The following CRISPLD2 variants were observed in gnomAD, a reference collection of about 807,000 sequenced individuals.
CRISPLD2 encodes cysteine rich secretory protein LCCL domain containing 2.
In CRISPLD2, 47 loss-of-function variants were observed where a neutral mutation model predicts 71.1. The ratio of observed to expected loss-of-function variants is 0.66; its 90% CI spans 0.52 to 0.84. The LOEUF is 0.84. Ranked by LOEUF, CRISPLD2 falls within the 40% of genes least tolerant of loss-of-function variation. The pLI, the probability that CRISPLD2 is intolerant of heterozygous loss-of-function variation, is 0.00. For synonymous variants in CRISPLD2, 317 were observed against 250.1 expected (o/e 1.27, Z -2.52); for missense variants, 830 against 651.1 (o/e 1.27, Z -2.99).
intron 1 of CRISPLD2, among the ~76,000 whole-genome samples, chr16:84,836,794 T>C (rs925133514): frequency 1.3e-5 from 2 of 151,070 alleles, no homozygotes; most frequent in Admixed American, 6.6e-5. Flanking sequence ...GGTAAACACC[T>C]GGTTGGTGCT....
chr16:84,849,721 C>CTT (rs10627256), intron 4 of CRISPLD2, among the ~76,000 whole-genome samples: 90,092 of 150,960 alleles, frequency 0.6, 27,354 homozygotes, highest in East Asian at 0.72. Context: ...ACTACAAACT[C>CTT]TTTTTTTTCT....
At chr16:84,863,997 A>AAAAG (rs1555562675) in intron 6 of CRISPLD2, among the ~76,000 whole-genome samples, 7 of 145,924 alleles carry the variant, frequency 4.8e-5, no homozygotes, top group South Asian at 2.2e-4. Context: ...AGAGAGAAAA[A>AAAAG]AAAAGAAAAG....
intron 6 of CRISPLD2, among the ~76,000 whole-genome samples, chr16:84,861,044 G>C (rs1917365283): frequency 6.6e-6 from 1 of 152,128 alleles, no homozygotes; most frequent in Non-Finnish European, 1.5e-5. Flanking sequence ...ATTCAGTCTA[G>C]AGTCACTGAA....
At position 84,906,801 on chromosome 16, in the gene CRISPLD2, C is replaced by A; in HGVS notation, c.*159C>A. The A allele has an allele frequency of 2.4e-6, 2 of 822,032 alleles. No individual in the cohort carries two copies. Among genetic ancestry groups the A allele is most frequent in the Non-Finnish European group, 4.1e-6 (2 of 489,112 alleles). The allele number at this position is 822,032 out of a possible 1,614,324, so 50.9% of individuals were successfully genotyped here. A position where few individuals can be genotyped will look rare whatever the true frequency, so the allele number is the denominator to read the frequency against. On this transcript the variant is annotated 3_prime_UTR_variant, in exon 15 of 15. Transcript: ENST00000262424. ...GTGGCCTGTGGGTGAGGTGACATCT[C>A]ATCCCCTCACTGAAGCAACAGCATC...
chr16:84,849,576 C>T, intron 4 of CRISPLD2, 59 bp downstream of exon 4: 1 of 1,530,770 alleles, frequency 6.5e-7, no homozygotes, highest in Non-Finnish European at 8.9e-7. Flanking sequence ...CATTCACCCC[C>T]TGCCCCTGGG....
At chr16:84,846,875 C>A (rs535396655) in intron 3 of CRISPLD2, among the ~76,000 whole-genome samples, 2 of 152,226 alleles carry the variant, frequency 1.3e-5, no homozygotes, top group Non-Finnish European at 2.9e-5. Context: ...AGCCGACGGG[C>A]CTTCCCCAGA....
chr16:84,827,009 A>C (rs771667719), intron 1 of CRISPLD2, among the ~76,000 whole-genome samples: 4 of 152,016 alleles, frequency 2.6e-5, no homozygotes, highest in Non-Finnish European at 5.9e-5. Context: ...GTTGATGCTT[A>C]ACATACCAGG....
chr16:84,853,527 T>G (rs1214724336), intron 5 of CRISPLD2, among the ~76,000 whole-genome samples: 1 of 152,078 alleles, frequency 6.6e-6, no homozygotes, highest in Admixed American at 6.5e-5. Flanking sequence ...CCACTGTCCC[T>G]CCCCTGCCCA....
chr16:84,853,331 TG>T (rs1917141254), intron 5 of CRISPLD2, among the ~76,000 whole-genome samples: 1 of 152,192 alleles, frequency 6.6e-6, no homozygotes, highest in Non-Finnish European at 1.5e-5. Flanking sequence ...ATGTTCTTTT[TG>T]GGGGAGTCAT....
At chr16:84,875,942 C>T (rs758197160) in intron 11 of CRISPLD2, among the ~76,000 whole-genome samples, 1 of 152,110 alleles carries the variant, frequency 6.6e-6, no homozygotes, top group African/African-American at 2.4e-5. Context: ...CCTTGATGTA[C>T]TAAACCAGTC....
chr16:84,885,781 T>A (rs1033137240), intron 13 of CRISPLD2, among the ~76,000 whole-genome samples: 1 of 152,076 alleles, frequency 6.6e-6, no homozygotes, highest in South Asian at 2.1e-4. Context: ...AATAGGCTTA[T>A]GATTGTTAAT....
chr16:84,855,681 G>C (rs1567689414), intron 6 of CRISPLD2, among the ~76,000 whole-genome samples: 1 of 152,130 alleles, frequency 6.6e-6, no homozygotes, highest in Non-Finnish European at 1.5e-5. Context: ...TTGACACTCA[G>C]TATTAACTAT....
intron 14 of CRISPLD2, 75 bp from the exon 15 acceptor site, chr16:84,906,513 C>T: frequency 6.6e-7 from 1 of 1,525,428 alleles, no homozygotes; most frequent in African/African-American, 1.4e-5. Context: ...ACCCAGGTCT[C>T]CCTGCCCACC....
At chr16:84,844,485 C>CTT (rs138028171) in intron 2 of CRISPLD2, among the ~76,000 whole-genome samples, 2 of 149,240 alleles carry the variant, frequency 1.3e-5, no homozygotes, top group Non-Finnish European at 1.5e-5. Context: ...TCTTTTCTTT[C>CTT]TTTTTTTTTT....
chr16:84,849,624 C>T, intron 4 of CRISPLD2, 107 bp downstream of exon 4: 1 of 1,244,634 alleles, frequency 8.0e-7, no homozygotes, highest in Non-Finnish European at 1.1e-6. Flanking sequence ...GCTGTTGTTG[C>T]CTTCATTTTT....
chr16:84,836,999 C>T (rs1032635361), intron 1 of CRISPLD2, among the ~76,000 whole-genome samples: 6 of 152,188 alleles, frequency 3.9e-5, no homozygotes, highest in East Asian at 1.9e-4. Context: ...TCCATCTCCC[C>T]GACCTAACTG....
In CRISPLD2 at chr16:84,845,858, A is replaced by T; in HGVS notation, c.313A>T (p.Ser105Cys). The change falls in exon 3 of 15, where the codon AGT becomes TGT. Residue 105 changes from serine to cysteine, a missense_variant. By Grantham distance (112) the Ser-to-Cys change is moderately radical. Transcript: ENST00000262424. ...SQCIWEHGPT[S>C]LLVSIGQNLG... Reference sequence around the variant, plus strand: ...GTGCATCTGGGAGCACGGGCCCACCAGTCTGCTGGTGTCCATCGGGCAGAA... The same window carrying T: ...GTGCATCTGGGAGCACGGGCCCACCTGTCTGCTGGTGTCCATCGGGCAGAA... The T allele has an allele frequency of 6.2e-7, 1 of 1,613,634 alleles. No homozygotes were observed. The highest frequency in any genetic ancestry group is 8.5e-7 in the Non-Finnish European group (1 of 1,179,722).
intron 12 of CRISPLD2, among the ~76,000 whole-genome samples, chr16:84,878,319 A>G (rs1314358924): frequency 1.3e-5 from 2 of 152,172 alleles, no homozygotes; most frequent in Non-Finnish European, 2.9e-5. Flanking sequence ...ACCGAATGTC[A>G]TTACTGCTCT....
chr16:84,863,972 A>AAAAG (rs1359070378), intron 6 of CRISPLD2, among the ~76,000 whole-genome samples: 2 of 148,718 alleles, frequency 1.3e-5, no homozygotes, highest in African/African-American at 2.5e-5. Context: ...AAAAAAAAAA[A>AAAAG]AAAGAAAGAA....
Sources: allele counts gnomAD v4.1 joint callset (sites outside exome capture counted in the v4.1 genomes callset), GRCh38; gene constraint gnomAD v4.1.1; transcripts MANE v1.5; gene names NCBI Gene and HGNC (gene_info 2026-07-23, HGNC 2026-07-21).